TP63: variants seen among roughly 807,000 people sequenced by gnomAD.
TP63 encodes tumor protein 63.
Under a neutral mutation model 82.8 loss-of-function variants are expected in TP63, and 17 were observed. The observed-to-expected ratio is 0.21, with a 90% confidence interval of 0.14 to 0.31. The LOEUF (loss-of-function observed/expected upper bound fraction) is 0.31, where lower values mean the gene tolerates loss of function less well. TP63 is among the 10% of genes least tolerant of loss of function. The pLI is 1.00. For synonymous variants in TP63, 330 were observed against 321.7 expected, an observed-to-expected ratio of 1.03 and a Z score of -0.28; for missense variants, 648 against 895.3, an observed-to-expected ratio of 0.72 and a Z score of 3.52.
intron 1 of TP63, among the ~76,000 whole-genome samples, chr3:189,677,599 T>C (rs937636864): frequency 6.6e-6 from 1 of 151,720 alleles, no homozygotes; most frequent in African/African-American, 2.4e-5. Context: ...TTCTTTTCCT[T>C]TGGGTCAGTA....
chr3:189,822,698 T>A (rs146082497), intron 4 of TP63, among the ~76,000 whole-genome samples: 302 of 152,198 alleles, frequency 2.0e-3, no homozygotes, highest in African/African-American at 6.8e-3. Flanking sequence ...AAGAGCATTG[T>A]TTATTTTTGG....
At chr3:189,773,915 C>CTT (rs57761830) in intron 3 of TP63, among the ~76,000 whole-genome samples, 915 of 72,936 alleles carry the variant, frequency 0.013, no homozygotes, top group Non-Finnish European at 0.014. Context: ...TGTCTCGTGC[C>CTT]TTTTTTTTTT....
chr3:189,800,762 T>C (rs144337600), intron 3 of TP63, among the ~76,000 whole-genome samples: 108 of 152,206 alleles, frequency 7.1e-4, no homozygotes, highest in African/African-American at 2.5e-3. Flanking sequence ...GAGAAATAAG[T>C]AAAACCATGC....
intron 3 of TP63, among the ~76,000 whole-genome samples, chr3:189,777,897 C>CCAGGCTGG (rs1223209811): frequency 1.5e-5 from 2 of 136,194 alleles, no homozygotes; most frequent in Non-Finnish European, 3.1e-5. Flanking sequence ...ACTCTGTCAC[C>CCAGGCTGG]CAGGCTGGAG....
intron 4 of TP63, among the ~76,000 whole-genome samples, chr3:189,832,161 T>C (rs116813462): frequency 0.031 from 4,754 of 152,206 alleles, 102 homozygotes; most frequent in Middle Eastern, 0.044. Flanking sequence ...GAAATGAATC[T>C]TCAGATGATG....
intron 1 of TP63, among the ~76,000 whole-genome samples, chr3:189,706,998 T>G (rs992862344): frequency 6.6e-6 from 1 of 150,878 alleles, no homozygotes; most frequent in African/African-American, 2.5e-5. Flanking sequence ...AAAAGTGTTC[T>G]TTTGCTAGCT....
chr3:189,867,697 G>T (rs1560278916), intron 6 of TP63, 136 bp from the exon 7 acceptor site: 2 of 803,438 alleles, frequency 2.5e-6, no homozygotes, highest in Non-Finnish European at 4.2e-6. Context: ...CTACAACAGG[G>T]TTCAGAGTTT....
chr3:189,646,413 T>C lies in TP63; in HGVS notation c.62+14836T>C, dbSNP rs574312308. ...TCTTGCTTATCTCACAGATAATATG[T>C]ATTGTTTTCTTCTCTGATACAACTT... On this transcript the variant is annotated intron_variant, in intron 1 of 13. Coordinates refer to ENST00000264731, the MANE Select transcript of TP63 (RefSeq NM_003722.5). 2.0e-5 allele frequency among the ~76,000 whole-genome samples: 3 copies of C among 147,604 alleles called. 1 individual carries two copies. Among genetic ancestry groups the C allele is most frequent in the African/African-American group, 7.6e-5 (3 of 39,580 alleles).
intron 10 of TP63, among the ~76,000 whole-genome samples, chr3:189,878,106 T>C (rs995465318): frequency 6.6e-6 from 1 of 152,158 alleles, no homozygotes; most frequent in Non-Finnish European, 1.5e-5. Flanking sequence ...TGGCGATGGT[T>C]ATCATCAAGA....
rs144425444 is a variant in TP63, at chr3:189,837,872, G to A, written c.580-26360G>A. Among the ~76,000 whole-genome samples, 401 of 152,016 alleles carry A rather than the reference G, an allele frequency of 2.6e-3. 2 individuals carry two copies. Among genetic ancestry groups the A allele is most frequent in the African/African-American group, 9.0e-3 (374 of 41,448 alleles). ...ACTCCTGGGCTTAAGCAATCCTCCC[G>A]TCTTGGCCTCCCAAAGTGCTGGGAC... On this transcript the variant is annotated intron_variant, in intron 4 of 13. Transcript: ENST00000264731.
At chr3:189,813,137 G>T (rs1727758937) in intron 4 of TP63, among the ~76,000 whole-genome samples, 1 of 152,126 alleles carries the variant, frequency 6.6e-6, no homozygotes, top group African/African-American at 2.4e-5. Flanking sequence ...TTAATCTGAT[G>T]CTTCATGATG....
Position 189,631,490 on chromosome 3 carries a change from G to A in TP63, c.-26G>A, listed in dbSNP as rs748630569. 31 of 1,611,982 alleles carry A rather than the reference G, an allele frequency of 1.9e-5. No individual in the cohort carries two copies. Among genetic ancestry groups the A allele is most frequent in the African/African-American group, 1.5e-4 (11 of 74,762 alleles). ...TATTTTATATAATTGTTCTCCGTTCGTTGATATCAAAGACAGTTGAAGGAA... is the reference window on the plus strand; with the variant it reads ...TATTTTATATAATTGTTCTCCGTTCATTGATATCAAAGACAGTTGAAGGAA... On this transcript the variant is annotated 5_prime_UTR_variant, in exon 1 of 14. Transcript: ENST00000264731.
chr3:189,868,780 T>C (rs1577148560), intron 8 of TP63, 64 bp downstream of exon 8: 5 of 1,611,264 alleles, frequency 3.1e-6, no homozygotes, highest in Non-Finnish European at 3.4e-6. Flanking sequence ...GAGAATGGGG[T>C]GATATTGGAG....
rs559125635 is a variant in TP63, at chr3:189,851,599, G to A, written c.580-12633G>A. The stretch of plus-strand genomic sequence containing the variant: ...CAAAAATAAATAAATAAAATAAAAT[G>A]TGTTAGTTCCCCTTTGGAGCAGAAA... On this transcript the variant is annotated intron_variant, in intron 4 of 13. Transcript: ENST00000264731. Among the ~76,000 whole-genome samples, 43 of 152,018 alleles carry A rather than the reference G, an allele frequency of 2.8e-4. 1 individual carries two copies. The highest frequency in any genetic ancestry group is 5.3e-4 in the Non-Finnish European group (36 of 67,936).
At chr3:189,840,359 C>CTTTTTT in intron 4 of TP63, among the ~76,000 whole-genome samples, 13 of 44,436 alleles carry the variant, frequency 2.9e-4, no homozygotes, top group Non-Finnish European at 3.9e-4. Flanking sequence ...TGCTTTTCGT[C>CTTTTTT]TTTTTTTTTT....
At position 189,828,258 on chromosome 3, in the gene TP63, A is replaced by C. The variant is rs147509082; in HGVS notation, c.579+19732A>C. Among the ~76,000 whole-genome samples the C allele has an allele frequency of 6.3e-3, 954 of 152,010 alleles. 14 individuals are homozygous for C. Among genetic ancestry groups the C allele is most frequent in the African/African-American group, 0.022 (920 of 41,352 alleles). On this transcript the variant is annotated intron_variant, in intron 4 of 13. Transcript: ENST00000264731. ...TCCATCTCAAAACAAGCAAAAAAAA[A>C]AAAAAGAGAGAGAGATACGGAGATA... is the stretch of plus-strand genomic sequence containing the variant.
chr3:189,757,179 T>G (rs1393235286), intron 3 of TP63, among the ~76,000 whole-genome samples: 1 of 152,176 alleles, frequency 6.6e-6, no homozygotes, highest in Non-Finnish European at 1.5e-5. Context: ...AGATCCAAGT[T>G]CATCAGTGGT....
At chr3:189,844,809 A>G (rs1205311201) in intron 4 of TP63, among the ~76,000 whole-genome samples, 2 of 152,066 alleles carry the variant, frequency 1.3e-5, no homozygotes, top group Non-Finnish European at 2.9e-5. Flanking sequence ...TTTAGAATTA[A>G]TTTTTCAAAC....
At chr3:189,615,987 G>A in the TP63 span, among the ~76,000 whole-genome samples, 24 of 152,306 alleles carry the variant, frequency 1.6e-4, no homozygotes, top group African/African-American at 4.3e-4. Context: ...TGAGCCTGGC[G>A]TTGCTGAAGC....
Sources: gnomAD v4.1 joint callset for allele counts (sites outside exome capture counted in the v4.1 genomes callset) on GRCh38, gnomAD v4.1.1 for gene constraint, MANE v1.5 for transcripts, NCBI Gene and HGNC (gene_info 2026-07-23, HGNC 2026-07-21) for gene names.